IL3RA: variants seen among roughly 807,000 people sequenced by gnomAD.
IL3RA encodes interleukin-3 receptor subunit alpha.
A neutral mutation model predicts 52.3 loss-of-function variants in IL3RA; 73 were observed. The observed-to-expected ratio is 1.40, with a 90% CI of 1.16 to 1.70. IL3RA has a LOEUF of 1.70. Ranked by LOEUF, IL3RA falls within the 40% of genes most tolerant of loss-of-function variation. IL3RA has a pLI of 0.00. For synonymous variants in IL3RA, 260 were observed against 194.0 expected (o/e 1.34, Z -2.83); for missense variants, 664 against 504.4 (o/e 1.32, Z -3.03).
At chrX:1,353,896 C>A (rs1431052796) in intron 6 of IL3RA, among the ~76,000 whole-genome samples, 2 of 136,772 alleles carry the variant, frequency 1.5e-5, no homozygotes, top group Admixed American at 7.9e-5. Flanking sequence ...TGGATTCCAT[C>A]ATGAGTCATG....
intron 3 of IL3RA, among the ~76,000 whole-genome samples, chrX:1,345,880 C>T (rs1298396043): frequency 2.0e-5 from 3 of 152,000 alleles, no homozygotes; most frequent in Non-Finnish European, 4.4e-5. Flanking sequence ...TCATGACTAC[C>T]TGGTTTCTGC....
chrX:1,381,283 A>AGCTACTC (rs2089166074), intron 11 of IL3RA, among the ~76,000 whole-genome samples, 179 bp downstream of exon 11: 1 of 152,108 alleles, frequency 6.6e-6, no homozygotes, highest in South Asian at 2.1e-4. Flanking sequence ...CTGTAATCCC[A>AGCTACTC]GCTACTCGGG....
intron 2 of IL3RA, among the ~76,000 whole-genome samples, chrX:1,343,945 G>A (rs1482638669): frequency 7.3e-5 from 11 of 151,372 alleles, no homozygotes; most frequent in African/African-American, 1.2e-4. Context: ...ACAGGCGCCC[G>A]CCACCACGCC....
chrX:1,352,507 G>A lies in IL3RA; in HGVS notation c.616+1G>A, dbSNP rs771013139. 1.9e-6 allele frequency: 3 copies of A among 1,612,670 alleles called. No individual in the cohort carries two copies. Among genetic ancestry groups the A allele is most frequent in the Non-Finnish European group, 2.5e-6 (3 of 1,179,686 alleles). ...AAGTTTGTCGTCTTTTCACAGATTGGTGAGTAGCCCGGGACACTCCCTCCC... is the reference window on the plus strand; with the variant it reads ...AAGTTTGTCGTCTTTTCACAGATTGATGAGTAGCCCGGGACACTCCCTCCC... On this transcript the variant is annotated splice_donor_variant, in intron 6 of 11. Transcript: ENST00000331035. LOFTEE classifies it high-confidence loss of function.
intron 3 of IL3RA, among the ~76,000 whole-genome samples, chrX:1,347,464 C>G (rs1218392504): frequency 6.6e-6 from 1 of 150,834 alleles, no homozygotes; most frequent in African/African-American, 2.4e-5. Context: ...AAAACAAAAG[C>G]AAACAAAACG....
chrX:1,381,224 C>T (rs746204894), intron 11 of IL3RA, 120 bp downstream of exon 11: 10 of 836,566 alleles, frequency 1.2e-5, no homozygotes, highest in Non-Finnish European at 2.0e-5. Context: ...CATGGAGAAA[C>T]TCCGTGTCTA....
chrX:1,381,493 G>A (rs187121143), intron 11 of IL3RA, among the ~76,000 whole-genome samples: 240 of 152,198 alleles, frequency 1.6e-3, no homozygotes, highest in African/African-American at 5.3e-3. Context: ...CCAGCCCACC[G>A]TGATCACGGG....
chrX:1,343,987 G>A (rs1334651932), intron 2 of IL3RA, among the ~76,000 whole-genome samples: 1 of 151,678 alleles, frequency 6.6e-6, no homozygotes, highest in Non-Finnish European at 1.5e-5. Context: ...GTCGCGACGG[G>A]GTTTCACCGT....
At position 1,352,062 on chromosome X, in the gene IL3RA, G is replaced by A. The variant is rs746916251; in HGVS notation, c.299-38G>A. The A allele has an allele frequency of 2.0e-5, 32 of 1,609,062 alleles. No individual in the cohort carries two copies. In the South Asian group the frequency reaches 3.5e-4, roughly 18 times the overall value. On this transcript the variant is annotated intron_variant, in intron 4 of 11. Coordinates refer to ENST00000331035, the MANE Select transcript of IL3RA (RefSeq NM_002183.4). The stretch of plus-strand genomic sequence containing the variant: ...TGACAGGCGTGAGCCACCGCGCCCG[G>A]TCCCGATTCGAGTTCTCTTTCATGT...
intron 7 of IL3RA, 69 bp from the exon 8 acceptor site, chrX:1,358,792 G>C: frequency 1.9e-6 from 3 of 1,577,116 alleles, no homozygotes; most frequent in Non-Finnish European, 2.6e-6. Context: ...GGAGAAATTT[G>C]AGTTTGGGAG....
chrX:1,365,112 C>A (rs751863052), intron 8 of IL3RA, 26 bp from the exon 9 acceptor site: 1 of 1,567,462 alleles, frequency 6.4e-7, no homozygotes, highest in South Asian at 1.1e-5. Flanking sequence ...CCTGGCCCCT[C>A]TTCTTTATTT....
chrX:1,350,114 T>C (rs1274694197), intron 4 of IL3RA, among the ~76,000 whole-genome samples: 1 of 152,134 alleles, frequency 6.6e-6, no homozygotes, highest in Non-Finnish European at 1.5e-5. Flanking sequence ...GTTGCAGGGA[T>C]ATAAGCAGGA....
At chrX:1,353,024 A>G (rs2086209039) in intron 6 of IL3RA, among the ~76,000 whole-genome samples, 1 of 142,626 alleles carries the variant, frequency 7.0e-6, no homozygotes, top group Admixed American at 6.9e-5. Flanking sequence ...AGAACCCCCT[A>G]TCATGGATTC....
chrX:1,361,417 G>A (rs1351552120), intron 8 of IL3RA, among the ~76,000 whole-genome samples: 1 of 152,118 alleles, frequency 6.6e-6, no homozygotes, highest in Non-Finnish European at 1.5e-5. Flanking sequence ...AGAAGGTGAA[G>A]GAGGAGGAAA....
intron 9 of IL3RA, among the ~76,000 whole-genome samples, chrX:1,377,214 C>G (rs1204765892): frequency 6.6e-6 from 1 of 152,272 alleles, no homozygotes; most frequent in South Asian, 2.1e-4. Context: ...GTGGGAGAAT[C>G]AATTCCTTTT....
chrX:1,360,033 C>G (rs1477815166), intron 8 of IL3RA, among the ~76,000 whole-genome samples: 2 of 28,936 alleles, frequency 6.9e-5, no homozygotes, highest in Admixed American at 4.9e-4. Context: ...TTCTCCCCAT[C>G]TCTCTCTCTC....
chrX:1,381,200 AC>A, intron 11 of IL3RA, 96 bp downstream of exon 11: 1 of 1,048,034 alleles, frequency 9.5e-7, no homozygotes, highest in Non-Finnish European at 1.5e-6. Context: ...GGAACTGGAG[AC>A]CAGCCTGGCC....
chrX:1,381,767 C>T (rs1168985562), intron 11 of IL3RA, among the ~76,000 whole-genome samples: 1 of 151,192 alleles, frequency 6.6e-6, no homozygotes, highest in African/African-American at 2.4e-5. Context: ...TGGTCTCGAT[C>T]TCCTGACCTT....
chrX:1,378,781 G>C lies in IL3RA; in HGVS notation c.980+17G>C. 1 of 1,599,220 alleles carries C rather than the reference G, an allele frequency of 6.3e-7. No homozygotes were observed. Among genetic ancestry groups the C allele is most frequent in the Non-Finnish European group, 8.6e-7 (1 of 1,168,120 alleles). On this transcript the variant is annotated intron_variant, in intron 10 of 11. Coordinates refer to ENST00000331035, the MANE Select transcript of IL3RA (RefSeq NM_002183.4). ...CTGCAGAAGGTGAGCCCTCGAGGGCGTCCGCGAGCGTCGCTTGTTTCCAGT... is the reference window on the plus strand; with the variant it reads ...CTGCAGAAGGTGAGCCCTCGAGGGCCTCCGCGAGCGTCGCTTGTTTCCAGT...
Sources: allele counts gnomAD v4.1 joint callset (sites outside exome capture counted in the v4.1 genomes callset), GRCh38; gene constraint gnomAD v4.1.1; transcripts MANE v1.5; gene names NCBI Gene and HGNC (gene_info 2026-07-23, HGNC 2026-07-21).